The following EPB41 variants were observed in gnomAD, a reference collection of about 807,000 sequenced individuals.
EPB41 encodes protein 4.1.
Under a neutral mutation model 108.0 loss-of-function variants are expected in EPB41, and 65 were observed. That is an observed-to-expected ratio of 0.60 (90% CI 0.49 to 0.74). EPB41 has a LOEUF of 0.74. Among genes scored for constraint, EPB41 ranks in the 30% least tolerant of loss-of-function variants. EPB41 has a pLI of 0.00. For synonymous variants in EPB41, 336 were observed against 358.9 expected (o/e 0.94, Z 0.72); for missense variants, 875 against 1,037.0 (o/e 0.84, Z 2.15).
intron 1 of EPB41, among the ~76,000 whole-genome samples, chr1:28,951,707 A>G (rs1223645373): frequency 6.6e-6 from 1 of 151,990 alleles, no homozygotes; most frequent in Non-Finnish European, 1.5e-5. Flanking sequence ...TACAAAAACT[A>G]GCCAGGTATG....
chr1:28,975,480 C>T (rs1328018661), intron 1 of EPB41, among the ~76,000 whole-genome samples: 1 of 152,066 alleles, frequency 6.6e-6, no homozygotes, highest in African/African-American at 2.4e-5. Flanking sequence ...CTGAATTTAC[C>T]CAGTCATTTG....
intron 1 of EPB41, among the ~76,000 whole-genome samples, chr1:28,959,311 C>T (rs1290408845): frequency 1.4e-5 from 2 of 147,406 alleles, no homozygotes. Context: ...CTGCCTCCTG[C>T]GTTCAAGCGA....
chr1:28,908,505 C>T (rs535684372), intron 1 of EPB41, among the ~76,000 whole-genome samples: 2 of 150,700 alleles, frequency 1.3e-5, no homozygotes, highest in South Asian at 4.2e-4. Context: ...GATCTCGTCT[C>T]GCTGCAACCT....
chr1:28,957,708 TA>T (rs1179711639), intron 1 of EPB41, among the ~76,000 whole-genome samples: 1 of 152,190 alleles, frequency 6.6e-6, no homozygotes, highest in Non-Finnish European at 1.5e-5. Flanking sequence ...CCCCTCCAGC[TA>T]AAATATTTTT....
Position 29,035,847 on chromosome 1 carries a change from A to G in EPB41, c.1387A>G (p.Ile463Val), listed in dbSNP as rs1639244084. ...GTAGCAAGAGCAGTATGAAAGTACC[A>G]TCGGATTCAAACTTCCCAGTTACCG... ...PGEQEQYEST[I>V]GFKLPSYRAA... The change falls in exon 10 of 21, where the codon ATC (isoleucine) becomes GTC (valine). Residue 463 changes from isoleucine to valine, a missense_variant. By Grantham distance (29) the Ile-to-Val change is conservative (BLOSUM62 3). Coordinates refer to ENST00000343067, the MANE Select transcript of EPB41 (RefSeq NM_001376013.1). 1 of 1,613,920 alleles carries G rather than the reference A, an allele frequency of 6.2e-7. No homozygotes were observed. Among genetic ancestry groups the G allele is most frequent in the East Asian group, 2.2e-5 (1 of 44,878 alleles).
rs1238749978 is a variant in EPB41 at position 29,078,184 on chromosome 1, A to G, written c.2184+13026A>G. ...CAGTGAGCCAAAATTGCACCACTGC[A>G]CTCCAGCCTGGGTGAAAGAGCAAGA... On this transcript the variant is annotated intron_variant, in intron 16 of 20. Transcript: ENST00000343067. Among the ~76,000 whole-genome samples the G allele has an allele frequency of 2.0e-5, 3 of 152,224 alleles. No homozygotes were observed. The South Asian group carries it at 6.2e-4, about 32-fold the overall frequency.
chr1:28,952,505 G>A (rs979643317), intron 1 of EPB41, among the ~76,000 whole-genome samples: 4 of 151,984 alleles, frequency 2.6e-5, no homozygotes, highest in South Asian at 4.1e-4. Flanking sequence ...CAGCCTGGGC[G>A]ACAGAGCAAA....
rs763320813 is a variant in EPB41 at position 28,987,665 on chromosome 1, CA to C, written c.229del (p.Arg77GlufsTer26). The C allele has an allele frequency of 3.7e-6, 6 of 1,614,092 alleles. No individual in the cohort carries two copies. In the Admixed American group the frequency reaches 5.0e-5, roughly 13 times the overall value. ...AGAACAAGGAGCGGACATCAGAAAG[CA>C]GAGGACTTTCACGACTATTCTCCTC... is the stretch of plus-strand genomic sequence containing the variant. The part of the protein sequence containing the change: ...TKNKERTSES[R>X]GLSRLFSSFL... On this transcript the variant is annotated frameshift_variant, in exon 2 of 21. Coordinates refer to ENST00000343067, the MANE Select transcript of EPB41 (RefSeq NM_001376013.1). LOFTEE classifies it high-confidence loss of function.
intron 5 of EPB41, among the ~76,000 whole-genome samples, chr1:29,012,542 T>C (rs2096520966): frequency 6.6e-6 from 1 of 152,188 alleles, no homozygotes; most frequent in South Asian, 2.1e-4. Context: ...TAAATATTTC[T>C]GGGCTGAAAA....
In EPB41 at chr1:28,987,847, C is replaced by A. The variant is rs200186018; in HGVS notation, c.410C>A (p.Pro137Gln). 1 of 1,614,050 alleles carries A rather than the reference C, an allele frequency of 6.2e-7. No individual in the cohort carries two copies. The highest frequency in any genetic ancestry group is 8.5e-7 in the Non-Finnish European group (1 of 1,180,038). ...ILKAPIAAPE[P>Q]ELKTDPSLDL... is the part of the protein sequence containing the mutation. The stretch of plus-strand genomic sequence containing the variant: ...AAGGCCCCAATTGCAGCTCCTGAAC[C>A]GGAACTCAAAACAGACCCATCTTTG... The change falls in exon 2 of 21, where the codon CCG (proline) becomes CAG (glutamine). Residue 137 changes from proline (P) to glutamine (Q), a missense_variant. This residue lies in a region of EPB41 where 353 missense variants were observed against 393.2 expected (regional missense o/e 0.90). Coordinates refer to ENST00000343067, the MANE Select transcript of EPB41 (RefSeq NM_001376013.1).
intron 9 of EPB41, among the ~76,000 whole-genome samples, chr1:29,035,325 G>A (rs1639056986): frequency 6.6e-6 from 1 of 152,078 alleles, no homozygotes; most frequent in South Asian, 2.1e-4. Flanking sequence ...TGATAAGTAT[G>A]TACAATTTTT....
At chr1:29,070,799 T>A in intron 16 of EPB41, 2 of 939,956 alleles carry the variant, frequency 2.1e-6, no homozygotes, top group Non-Finnish European at 2.8e-6. Context: ...TACAAAGGAG[T>A]AGCAATGGAC....
chr1:28,925,946 G>A (rs910758363), intron 1 of EPB41, among the ~76,000 whole-genome samples: 1 of 152,114 alleles, frequency 6.6e-6, no homozygotes. Flanking sequence ...AAAAGATGGG[G>A]CTCATGCCTG....
intron 1 of EPB41, chr1:28,889,784 A>G: frequency 1.0e-6 from 1 of 985,240 alleles, no homozygotes; most frequent in South Asian, 4.7e-5. Flanking sequence ...GTGGAACCAA[A>G]CCGAGCTTCA....
chr1:29,060,299 TA>T (rs1646285480), intron 14 of EPB41, 122 bp from the exon 15 acceptor site: 1 of 741,248 alleles, frequency 1.3e-6, no homozygotes, highest in Non-Finnish European at 2.3e-6. Flanking sequence ...CATGTTGGCA[TA>T]TGCTGCGCTG....
At chr1:29,104,141 G>A (rs1253255974) in intron 17 of EPB41, among the ~76,000 whole-genome samples, 4 of 152,106 alleles carry the variant, frequency 2.6e-5, no homozygotes, top group Admixed American at 2.6e-4. Context: ...GCTAATAGTT[G>A]TACCTCATAG....
chr1:29,031,292 G>A (rs2096786856), intron 8 of EPB41, among the ~76,000 whole-genome samples: 1 of 152,198 alleles, frequency 6.6e-6, no homozygotes, highest in Non-Finnish European at 1.5e-5. Context: ...ATATAGAGCA[G>A]TGGGCAGCAA....
intron 1 of EPB41, among the ~76,000 whole-genome samples, chr1:28,976,642 C>T (rs1571783837): frequency 4.6e-5 from 7 of 152,258 alleles, no homozygotes; most frequent in Admixed American, 4.6e-4. Context: ...GTGTAAGCCA[C>T]CGTGCCTGGC....
intron 1 of EPB41, chr1:28,982,320 CT>C: frequency 1.6e-6 from 1 of 626,318 alleles, no homozygotes; most frequent in Non-Finnish European, 3.1e-6. Context: ...TCTTGCCTGT[CT>C]TTTATCTCTT....
Sources: gnomAD v4.1 joint callset for allele counts (sites outside exome capture counted in the v4.1 genomes callset) on GRCh38, gnomAD v4.1.1 for gene constraint, gnomAD v4.1.1 regional missense constraint, MANE v1.5 for transcripts, NCBI Gene and HGNC (gene_info 2026-07-23, HGNC 2026-07-21) for gene names.